PSD3: variants seen among roughly 807,000 people sequenced by gnomAD.
PSD3 encodes PH and SEC7 domain-containing protein 3.
In PSD3, 49 loss-of-function variants were observed where a neutral mutation model predicts 105.5. The observed-to-expected ratio is 0.46, with a 90% CI of 0.37 to 0.59. The LOEUF (loss-of-function observed/expected upper bound fraction) is 0.59, where lower values mean the gene tolerates loss of function less well. PSD3 is among the 20% of genes least tolerant of loss of function. The pLI is 0.00. For missense variants in PSD3, 1,561 were observed against 1,263.8 expected, an observed-to-expected ratio of 1.24 and a Z score of -3.57; for synonymous variants, 557 against 457.8, an observed-to-expected ratio of 1.22 and a Z score of -2.77.
chr8:18,712,433 G>A (rs914679672), intron 9 of PSD3, among the ~76,000 whole-genome samples: 3 of 151,956 alleles, frequency 2.0e-5, no homozygotes, highest in African/African-American at 7.3e-5. Flanking sequence ...AAATGATAAA[G>A]GGGTATCATC....
intron 1 of PSD3, among the ~76,000 whole-genome samples, chr8:18,972,473 C>T (rs990537133): frequency 3.9e-5 from 6 of 152,190 alleles, no homozygotes; most frequent in African/African-American, 1.4e-4. Context: ...AGGAATCCAA[C>T]CCCGGAACAA....
chr8:18,980,673 A>T (rs1230863030), intron 1 of PSD3, among the ~76,000 whole-genome samples: 1 of 151,862 alleles, frequency 6.6e-6, no homozygotes, highest in Non-Finnish European at 1.5e-5. Context: ...CCCTCCACAC[A>T]CGCTCAAGTT....
chr8:18,556,396 A>T (rs747988477), intron 14 of PSD3, 44 bp from the exon 15 acceptor site: 13 of 1,575,520 alleles, frequency 8.3e-6, no homozygotes, highest in Non-Finnish European at 1.1e-5. Context: ...AAAAAAAACA[A>T]GTCAATAACA....
At chr8:18,783,036 TACTC>T (rs1285909068) in intron 8 of PSD3, among the ~76,000 whole-genome samples, 4 of 152,236 alleles carry the variant, frequency 2.6e-5, no homozygotes, top group African/African-American at 7.2e-5. Flanking sequence ...TAAAAAGTGT[TACTC>T]TTTTTTTCTG....
chr8:18,988,146 G>A (rs1240190258), intron 1 of PSD3, among the ~76,000 whole-genome samples: 3 of 151,730 alleles, frequency 2.0e-5, no homozygotes, highest in South Asian at 2.1e-4. Flanking sequence ...TAAGTTAGGT[G>A]TATAAAGGAG....
rs553280030 is a variant in PSD3, at chr8:18,908,858, C to T, written c.130+27176G>A. Among the ~76,000 whole-genome samples the T allele has an allele frequency of 2.0e-5, 3 of 152,258 alleles. No homozygotes were observed. The South Asian group carries it at 6.2e-4, about 32-fold the overall frequency. On this transcript the variant is annotated intron_variant, in intron 2 of 15. Transcript: ENST00000327040. ...TTAAACGTCATTATTTCCTGCCCTC[C>T]CCTTTTTAAAACTATCTAAATATGA...
intron 4 of PSD3, among the ~76,000 whole-genome samples, chr8:18,834,906 G>C (rs916217418): frequency 3.3e-5 from 5 of 152,034 alleles, no homozygotes; most frequent in Admixed American, 1.3e-4. Flanking sequence ...CCAGAGTCTA[G>C]ACCAAAACAG....
intron 9 of PSD3, chr8:18,683,862 G>T: frequency 1.3e-6 from 1 of 765,302 alleles, no homozygotes; most frequent in Non-Finnish European, 2.4e-6. Flanking sequence ...ATCCTCCCGG[G>T]AGTATTTCAC....
At chr8:18,946,244 G>A (rs1013146410) in intron 1 of PSD3, among the ~76,000 whole-genome samples, 5 of 152,088 alleles carry the variant, frequency 3.3e-5, no homozygotes, top group Non-Finnish European at 7.3e-5. Flanking sequence ...TAAAGAGGAA[G>A]ATTCAAGTCC....
intron 4 of PSD3, among the ~76,000 whole-genome samples, chr8:18,831,782 T>A (rs996779229): frequency 1.3e-5 from 2 of 152,060 alleles, no homozygotes; most frequent in African/African-American, 2.4e-5. Flanking sequence ...GGTTCCCTCA[T>A]GAAGACATGT....
At chr8:18,687,293 C>T (rs1800710575) in intron 9 of PSD3, among the ~76,000 whole-genome samples, 1 of 151,884 alleles carries the variant, frequency 6.6e-6, no homozygotes, top group Admixed American at 6.6e-5. Flanking sequence ...GTGAAAAACC[C>T]ATCTCTACAA....
At chr8:18,591,481 C>A (rs1437170349) in intron 12 of PSD3, among the ~76,000 whole-genome samples, 1 of 152,140 alleles carries the variant, frequency 6.6e-6, no homozygotes, top group Non-Finnish European at 1.5e-5. Context: ...TTTGGGAGGG[C>A]TGAAGAAAGG....
At chr8:18,782,816 G>C (rs190604310) in intron 8 of PSD3, among the ~76,000 whole-genome samples, 2 of 152,196 alleles carry the variant, frequency 1.3e-5, no homozygotes, top group Non-Finnish European at 2.9e-5. Context: ...GGGCCTAGTG[G>C]CCATCACCGA....
In PSD3 at chr8:18,787,431, T is replaced by C. The variant is rs1435545091; in HGVS notation, c.2082+11864A>G. ...AGATGAAGCTCTGGATCATTACCTT[T>C]AAAATCAGTAGGCATTTTAATCAAA... On this transcript the variant is annotated intron_variant, in intron 8 of 15. Coordinates refer to ENST00000327040, the MANE Select transcript of PSD3 (RefSeq NM_015310.4). Among the ~76,000 whole-genome samples the C allele has an allele frequency of 3.9e-5, 6 of 152,144 alleles. No individual in the cohort carries two copies. The East Asian group carries it at 1.2e-3, about 29-fold the overall frequency.
chr8:18,591,056 A>C (rs1266233830), intron 12 of PSD3, among the ~76,000 whole-genome samples: 43 of 152,184 alleles, frequency 2.8e-4, no homozygotes, highest in Admixed American at 2.6e-3. Context: ...ATATTGAGTA[A>C]TCAATGATTT....
chr8:18,741,795 T>A (rs1454495392), intron 9 of PSD3, among the ~76,000 whole-genome samples: 7 of 79,680 alleles, frequency 8.8e-5, no homozygotes, highest in African/African-American at 1.8e-4. Context: ...AATTTTATTG[T>A]AAAAAAAAAA....
rs191643698 is a variant in PSD3 at position 18,713,139 on chromosome 8, A to G, written c.2172+52310T>C. 6.6e-5 allele frequency among the ~76,000 whole-genome samples: 10 copies of G among 152,302 alleles called. No homozygotes were observed. The East Asian group carries it at 1.9e-3, about 29-fold the overall frequency. ...AGGTATTGAAGGAACGTACCTCAAA[A>G]CAATAAAAGCCATTCATGACAAACC... On this transcript the variant is annotated intron_variant, in intron 9 of 15. Coordinates refer to ENST00000327040, the MANE Select transcript of PSD3 (RefSeq NM_015310.4).
chr8:18,575,692 C>G lies in PSD3; in HGVS notation c.2482-407G>C, dbSNP rs193147559. Among the ~76,000 whole-genome samples, 73 of 152,286 alleles carry G rather than the reference C, an allele frequency of 4.8e-4. No individual in the cohort carries two copies. The South Asian group carries it at 5.2e-3, about 11-fold the overall frequency. ...AAAGCACAACCTTACAGGTAACTGT[C>G]AACAGAATTATACCGAGGATAAAAA... On this transcript the variant is annotated intron_variant, in intron 12 of 15. Coordinates refer to ENST00000327040, the MANE Select transcript of PSD3 (RefSeq NM_015310.4).
At chr8:18,771,178 G>A (rs1160817522) in intron 8 of PSD3, among the ~76,000 whole-genome samples, 1 of 152,154 alleles carries the variant, frequency 6.6e-6, no homozygotes, top group African/African-American at 2.4e-5. Flanking sequence ...GGCAGAGCAG[G>A]CCATGGGTGG....
Sources: allele counts gnomAD v4.1 joint callset (sites outside exome capture counted in the v4.1 genomes callset), GRCh38; gene constraint gnomAD v4.1.1; transcripts MANE v1.5; gene names NCBI Gene and HGNC (gene_info 2026-07-23, HGNC 2026-07-21).